Variants in TBC1D4 observed in about 807,000 individuals in gnomAD.
TBC1D4 encodes TBC (Tre-2, BUB2, CDC16) domain-containing protein.
A neutral mutation model predicts 142.5 loss-of-function variants in TBC1D4; 121 were observed. The observed-to-expected ratio is 0.85, with a 90% CI of 0.73 to 0.99. The LOEUF (loss-of-function observed/expected upper bound fraction) is 0.99, where lower values mean the gene tolerates loss of function less well. Among genes scored for constraint, TBC1D4 ranks in the 50% least tolerant of loss-of-function variants. TBC1D4 has a pLI of 0.00. For synonymous variants in TBC1D4, 630 were observed against 628.2 expected (o/e 1.00, Z -0.04); for missense variants, 1,475 against 1,606.6 (o/e 0.92, Z 1.40).
intron 5 of TBC1D4, among the ~76,000 whole-genome samples, chr13:75,348,758 G>A (rs552428818): frequency 6.6e-6 from 1 of 152,192 alleles, no homozygotes; most frequent in Non-Finnish European, 1.5e-5. Context: ...AAGTAAAGGA[G>A]AAAAGGGGAA....
At chr13:75,290,595 C>A (rs998837032) in intron 19 of TBC1D4, among the ~76,000 whole-genome samples, 2 of 152,084 alleles carry the variant, frequency 1.3e-5, no homozygotes, top group African/African-American at 4.8e-5. Flanking sequence ...AAAAGCTACA[C>A]TTTTCAGCTT....
intron 8 of TBC1D4, among the ~76,000 whole-genome samples, chr13:75,336,539 C>A (rs1010757829): frequency 1.3e-5 from 2 of 152,124 alleles, no homozygotes; most frequent in African/African-American, 4.8e-5. Context: ...AAAAACCTGT[C>A]TCTACTAAAA....
At chr13:75,459,123 C>A (rs913171686) in intron 1 of TBC1D4, among the ~76,000 whole-genome samples, 1 of 152,138 alleles carries the variant, frequency 6.6e-6, no homozygotes, top group Non-Finnish European at 1.5e-5. Context: ...GCTGGTCACA[C>A]GCTGATCCGC....
chr13:75,298,138 T>C lies in TBC1D4; in HGVS notation c.3156+1192A>G, dbSNP rs137970124. On this transcript the variant is annotated intron_variant, in intron 17 of 20. Coordinates refer to ENST00000377636, the MANE Select transcript of TBC1D4 (RefSeq NM_014832.5). ...GTATATTTTAAAAGCATCTTTAAAC[T>C]ATTACTTCTTATCTAAAGCACAGTA... Among the ~76,000 whole-genome samples, 430 of 152,336 alleles carry C rather than the reference T, an allele frequency of 2.8e-3. 4 individuals are homozygous for C. The highest frequency in any genetic ancestry group is 1.0e-2 in the African/African-American group (414 of 41,574).
chr13:75,413,374 G>A (rs1009364497), intron 1 of TBC1D4, among the ~76,000 whole-genome samples: 11 of 152,108 alleles, frequency 7.2e-5, no homozygotes, highest in African/African-American at 2.7e-4. Context: ...GTTGGCCAGG[G>A]TGGTCTCGAT....
intron 5 of TBC1D4, among the ~76,000 whole-genome samples, chr13:75,347,648 C>A (rs1566407855): frequency 6.6e-6 from 1 of 152,272 alleles, no homozygotes; most frequent in East Asian, 1.9e-4. Context: ...TGAATATAAG[C>A]AATCTTTGCC....
At chr13:75,434,714 AAC>A (rs1188696462) in intron 1 of TBC1D4, among the ~76,000 whole-genome samples, 6 of 152,144 alleles carry the variant, frequency 3.9e-5, no homozygotes, top group African/African-American at 1.2e-4. Context: ...AAATATTAAT[AAC>A]ACAGACTCAA....
chr13:75,481,385 C>T lies in TBC1D4; in HGVS notation c.383G>A (p.Arg128His). Residue 128 changes from arginine (R) to histidine (H), a missense_variant, in exon 1 of 21, where the codon CGC becomes CAC. Arg to His is a conservative substitution (Grantham distance 29). This residue lies in a region of TBC1D4 where 1,227 missense variants were observed against 1,267.7 expected (regional missense o/e 0.97). Coordinates refer to ENST00000377636, the MANE Select transcript of TBC1D4 (RefSeq NM_014832.5). ...IFEHKAQHIS[R>H]FIHNSHDLTY... The stretch of plus-strand genomic sequence containing the variant: ...GAGGTCGTGGCTGTTGTGGATGAAG[C>T]GCGAGATATGCTGCGCCTTGTGCTC... 6.2e-7 allele frequency: 1 copy of T among 1,613,904 alleles called. No individual in the cohort carries two copies. Among genetic ancestry groups the T allele is most frequent in the Non-Finnish European group, 8.5e-7 (1 of 1,179,850 alleles).
chr13:75,325,488 A>G (rs1258925834), intron 10 of TBC1D4, among the ~76,000 whole-genome samples: 1 of 152,104 alleles, frequency 6.6e-6, no homozygotes, highest in Non-Finnish European at 1.5e-5. Flanking sequence ...TAAAGAAGAG[A>G]AACAAAATGA....
intron 1 of TBC1D4, among the ~76,000 whole-genome samples, chr13:75,393,787 C>G (rs1020858822): frequency 6.6e-6 from 1 of 151,934 alleles, no homozygotes; most frequent in African/African-American, 2.4e-5. Flanking sequence ...CAAAATTATC[C>G]AGGCGTGGTG....
intron 1 of TBC1D4, among the ~76,000 whole-genome samples, chr13:75,442,850 CAG>C (rs1464736676): frequency 6.6e-6 from 1 of 151,708 alleles, no homozygotes; most frequent in East Asian, 1.9e-4. Flanking sequence ...GAAAACAGAA[CAG>C]AGCAGAAAAA....
At position 75,421,809 on chromosome 13, in the gene TBC1D4, TA is replaced by T. The variant is rs1042398842; in HGVS notation, c.499-59203del. On this transcript the variant is annotated intron_variant, in intron 1 of 20. Transcript: ENST00000377636. ...AAAAGACAATCATATTCCAAATCTA[TA>T]AAAAATACTGACTTTAAAGTTAATT... Among the ~76,000 whole-genome samples, 98 of 152,312 alleles carry T rather than the reference TA, an allele frequency of 6.4e-4. 1 individual carries two copies. The highest frequency in any genetic ancestry group is 1.1e-3 in the Non-Finnish European group (76 of 68,010).
At chr13:75,398,990 G>C (rs961898695) in intron 1 of TBC1D4, among the ~76,000 whole-genome samples, 1 of 152,176 alleles carries the variant, frequency 6.6e-6, no homozygotes, top group Non-Finnish European at 1.5e-5. Context: ...AAACAGAGTA[G>C]ACTGTAATTT....
chr13:75,357,876 GTTTA>G (rs1882174622), intron 3 of TBC1D4, among the ~76,000 whole-genome samples: 1 of 152,076 alleles, frequency 6.6e-6, no homozygotes, highest in African/African-American at 2.4e-5. Context: ...TCCTGCTTCT[GTTTA>G]TTTCTTTTTC....
chr13:75,287,105 C>A, intron 20 of TBC1D4, 80 bp from the exon 21 acceptor site: 1 of 1,102,850 alleles, frequency 9.1e-7, no homozygotes, highest in Non-Finnish European at 1.4e-6. Flanking sequence ...TAACCAATTA[C>A]TTCAAATTAC....
At chr13:75,291,252 G>A (rs1875270188) in intron 19 of TBC1D4, among the ~76,000 whole-genome samples, 2 of 152,152 alleles carry the variant, frequency 1.3e-5, no homozygotes, top group South Asian at 4.1e-4. Flanking sequence ...AAGATCAGAA[G>A]GGGCAGGAGA....
At chr13:75,352,885 A>G (rs1281815938) in intron 4 of TBC1D4, among the ~76,000 whole-genome samples, 2 of 152,238 alleles carry the variant, frequency 1.3e-5, no homozygotes, top group Non-Finnish European at 2.9e-5. Flanking sequence ...TTAGACTGAT[A>G]ATATTTAATT....
At position 75,336,431 on chromosome 13, in the gene TBC1D4, T is replaced by C. The variant is rs973670078; in HGVS notation, c.1731+490A>G. On this transcript the variant is annotated intron_variant, in intron 8 of 20. Transcript: ENST00000377636. ...AAAAAAGATCATTTTGAGCTGGGCA[T>C]GGATGGTGGCTCACACCTGTAATGC... Among the ~76,000 whole-genome samples, 7 of 144,074 alleles carry C rather than the reference T, an allele frequency of 4.9e-5. No individual in the cohort carries two copies. The Admixed American group carries it at 4.9e-4, about 10-fold the overall frequency. The allele number at this position is 144,074 out of a possible 152,430, so 94.5% of individuals were successfully genotyped here.
intron 1 of TBC1D4, among the ~76,000 whole-genome samples, chr13:75,410,088 A>C (rs527643196): frequency 6.6e-6 from 1 of 152,280 alleles, no homozygotes; most frequent in African/African-American, 2.4e-5. Context: ...CTCTCAGAGT[A>C]TTGTTGTGAG....
Sources: gnomAD v4.1 joint callset for allele counts (sites outside exome capture counted in the v4.1 genomes callset) on GRCh38, gnomAD v4.1.1 for gene constraint, gnomAD v4.1.1 regional missense constraint, MANE v1.5 for transcripts, NCBI Gene and HGNC (gene_info 2026-07-23, HGNC 2026-07-21) for gene names.